The following FCHSD2 variants were observed in gnomAD, a reference collection of about 807,000 sequenced individuals.
FCHSD2 encodes FCH and double SH3 domains 2, also known as F-BAR and double SH3 domains protein 2.
A neutral mutation model predicts 108.1 loss-of-function variants in FCHSD2; 38 were observed. The observed-to-expected ratio is 0.35, with a 90% CI of 0.27 to 0.46. FCHSD2 has a LOEUF of 0.46. FCHSD2 is among the 20% of genes least tolerant of loss of function. FCHSD2 has a pLI of 1.00. For synonymous variants in FCHSD2, 279 were observed against 314.7 expected (o/e 0.89, Z 1.20); for missense variants, 751 against 897.8 (o/e 0.84, Z 2.09).
At chr11:72,888,767 TGC>T (rs1855252293) in intron 11 of FCHSD2, among the ~76,000 whole-genome samples, 1 of 151,860 alleles carries the variant, frequency 6.6e-6, no homozygotes, top group African/African-American at 2.4e-5. Context: ...AAGATAGGTG[TGC>T]GCCCCCATGC....
chr11:72,920,636 G>A (rs1855959937), intron 9 of FCHSD2, among the ~76,000 whole-genome samples: 1 of 151,968 alleles, frequency 6.6e-6, no homozygotes, highest in Non-Finnish European at 1.5e-5. Flanking sequence ...TTCATAGAAG[G>A]AACAAAGATA....
At chr11:72,995,549 CA>C (rs1857504268) in intron 5 of FCHSD2, among the ~76,000 whole-genome samples, 1 of 151,448 alleles carries the variant, frequency 6.6e-6, no homozygotes, top group African/African-American at 2.4e-5. Context: ...AAAAAAAGTA[CA>C]AAAATCAGCC....
intron 1 of FCHSD2, chr11:73,141,210 A>G (rs1476695123): frequency 6.6e-6 from 1 of 151,822 alleles, no homozygotes; most frequent in African/African-American, 2.4e-5. Flanking sequence ...CGCAGTGCAC[A>G]CCCCACGCAC....
intron 8 of FCHSD2, among the ~76,000 whole-genome samples, chr11:72,938,320 G>C (rs551958597): frequency 4.5e-4 from 69 of 151,788 alleles, no homozygotes; most frequent in Non-Finnish European, 9.3e-4. Context: ...ATTTATACTT[G>C]AATTTAATGT....
chr11:73,083,557 GA>G (rs72053185), intron 3 of FCHSD2, 137 bp downstream of exon 3: 25,775 of 485,416 alleles, frequency 0.053, 303 homozygotes, highest in African/African-American at 0.14. Flanking sequence ...CAGAAAAAAA[GA>G]AAAAAAAAAA....
At chr11:72,942,222 C>T (rs1317642190) in intron 8 of FCHSD2, among the ~76,000 whole-genome samples, 2 of 152,122 alleles carry the variant, frequency 1.3e-5, no homozygotes, top group Non-Finnish European at 2.9e-5. Flanking sequence ...CCTGGCAGCT[C>T]CCTCCTCTCT....
intron 3 of FCHSD2, among the ~76,000 whole-genome samples, chr11:73,043,145 A>G (rs1287765047): frequency 6.6e-6 from 1 of 152,208 alleles, no homozygotes; most frequent in African/African-American, 2.4e-5. Flanking sequence ...CTTAAAGGAA[A>G]GGCTTTCAGC....
At position 73,014,978 on chromosome 11, in the gene FCHSD2, C is replaced by T. The variant is rs1437528173; in HGVS notation, c.242+831G>A. On this transcript the variant is annotated intron_variant, in intron 4 of 19. Transcript: ENST00000409418. ...CCTGCCTCAGCCTCCTAAGTAGCTG[C>T]GATTACAGGTGCCCGCCACCACACC... Among the ~76,000 whole-genome samples, 12 of 151,868 alleles carry T rather than the reference C, an allele frequency of 7.9e-5. No homozygotes were observed. In the South Asian group the frequency reaches 1.3e-3, roughly 16 times the overall value.
chr11:73,086,771 A>G (rs1332945662), intron 2 of FCHSD2, among the ~76,000 whole-genome samples: 1 of 152,248 alleles, frequency 6.6e-6, no homozygotes, highest in Non-Finnish European at 1.5e-5. Flanking sequence ...ACTGTACACC[A>G]GCAAATTAGA....
At chr11:72,920,260 T>A (rs1434645609) in intron 9 of FCHSD2, among the ~76,000 whole-genome samples, 1 of 151,980 alleles carries the variant, frequency 6.6e-6, no homozygotes, top group Admixed American at 6.6e-5. Flanking sequence ...ACACACAATA[T>A]TAAAAACAAA....
At chr11:72,971,440 C>T (rs530498461) in intron 8 of FCHSD2, among the ~76,000 whole-genome samples, 2 of 152,236 alleles carry the variant, frequency 1.3e-5, no homozygotes, top group Admixed American at 1.3e-4. Context: ...GGGAGATTAT[C>T]TGCGATTACC....
At chr11:72,933,285 C>A (rs546487702) in intron 8 of FCHSD2, among the ~76,000 whole-genome samples, 1 of 152,232 alleles carries the variant, frequency 6.6e-6, no homozygotes, top group Admixed American at 6.5e-5. Flanking sequence ...TCCTTCCCAC[C>A]AAAGTTATTC....
chr11:72,948,742 TG>T (rs2135353291), intron 8 of FCHSD2, among the ~76,000 whole-genome samples: 1 of 151,880 alleles, frequency 6.6e-6, no homozygotes, highest in South Asian at 2.1e-4. Context: ...CTCGGCTCAC[TG>T]CAAGCTCCAT....
chr11:72,958,813 G>GA (rs1183021780), intron 8 of FCHSD2, among the ~76,000 whole-genome samples: 1 of 151,884 alleles, frequency 6.6e-6, no homozygotes, highest in African/African-American at 2.4e-5. Flanking sequence ...TTTAAAAGTT[G>GA]AAAAAAATAA....
At chr11:72,880,102 C>CA (rs1459919067) in intron 12 of FCHSD2, among the ~76,000 whole-genome samples, 3 of 137,160 alleles carry the variant, frequency 2.2e-5, no homozygotes, top group South Asian at 2.3e-4. Context: ...ACCCAAAAAA[C>CA]AAAAAAACAA....
At chr11:73,108,039 T>C (rs982778451) in intron 2 of FCHSD2, among the ~76,000 whole-genome samples, 1 of 152,254 alleles carries the variant, frequency 6.6e-6, no homozygotes, top group African/African-American at 2.4e-5. Flanking sequence ...ACCAACACTG[T>C]CTGAGGGTCC....
intron 8 of FCHSD2, among the ~76,000 whole-genome samples, chr11:72,944,613 C>A (rs892677183): frequency 6.6e-6 from 1 of 152,044 alleles, no homozygotes; most frequent in Admixed American, 6.6e-5. Flanking sequence ...TCAAATTGTC[C>A]CTGTTTGTAG....
At chr11:72,884,434 G>C (rs1855154234) in intron 12 of FCHSD2, among the ~76,000 whole-genome samples, 1 of 151,100 alleles carries the variant, frequency 6.6e-6, no homozygotes, top group East Asian at 1.9e-4. Context: ...CACAGTAACA[G>C]GCCCAGAGGT....
chr11:72,859,721 C>T (rs1308736967), intron 13 of FCHSD2, among the ~76,000 whole-genome samples: 1 of 152,120 alleles, frequency 6.6e-6, no homozygotes, highest in East Asian at 1.9e-4. Context: ...AAGACTTTGG[C>T]TGAGTATTGG....
Sources: allele counts gnomAD v4.1 joint callset (sites outside exome capture counted in the v4.1 genomes callset), GRCh38; gene constraint gnomAD v4.1.1; transcripts MANE v1.5; gene names NCBI Gene and HGNC (gene_info 2026-07-23, HGNC 2026-07-21).